SPINK2: variants seen among roughly 807,000 people sequenced by gnomAD.
SPINK2 encodes serine peptidase inhibitor Kazal type 2.
A neutral mutation model predicts 13.5 loss-of-function variants in SPINK2; 8 were observed. The ratio of observed to expected loss-of-function variants is 0.59; its 90% CI spans 0.35 to 1.07. The LOEUF is 1.07. Among genes scored for constraint, SPINK2 ranks in the 50% least tolerant of loss-of-function variants. The probability of loss-of-function intolerance (pLI) is 0.02; values close to 1 mark genes in which losing one functional copy is unlikely to be tolerated. For missense variants in SPINK2, 148 were observed against 180.3 expected (o/e 0.82, Z 1.03); for synonymous variants, 76 against 74.7 (o/e 1.02, Z -0.09).
upstream of SPINK2, chr4:56,821,704 C>G (rs368432138): frequency 7.0e-7 from 1 of 1,420,010 alleles, no homozygotes. Flanking sequence ...GGTCTGTTAC[C>G]TGCGCCACTC....
intron 2 of SPINK2, among the ~76,000 whole-genome samples, chr4:56,818,942 G>A (rs1294601348): frequency 3.3e-5 from 5 of 151,686 alleles, no homozygotes; most frequent in African/African-American, 9.8e-5. Context: ...CCTGGAGGAC[G>A]TAGGCAAACA....
At chr4:56,821,359 A>C in intron 1 of SPINK2, 99 bp downstream of exon 1, 1 of 1,404,262 alleles carries the variant, frequency 7.1e-7, no homozygotes, top group Non-Finnish European at 9.2e-7. Flanking sequence ...TCTAGATGGC[A>C]GGTGTCCTTA....
At chr4:56,821,297 ACT>A (rs1717912858) in intron 1 of SPINK2, 159 bp downstream of exon 1, 1 of 985,158 alleles carries the variant, frequency 1.0e-6, no homozygotes, top group Non-Finnish European at 1.2e-6. Context: ...ATACATAAAA[ACT>A]CAACTCCTCA....
intron 2 of SPINK2, among the ~76,000 whole-genome samples, 161 bp downstream of exon 2, chr4:56,820,375 C>G (rs1717832813): frequency 6.6e-6 from 1 of 152,198 alleles, no homozygotes; most frequent in Non-Finnish European, 1.5e-5. Context: ...CTAAAACTTA[C>G]ACTTTTATCT....
chr4:56,821,784 G>T (rs1186547093), upstream of SPINK2: 3 of 1,092,718 alleles, frequency 2.7e-6, no homozygotes, highest in African/African-American at 1.8e-5. Flanking sequence ...GGGAGGAAAA[G>T]CAGCGGTAGG....
intron 2 of SPINK2, among the ~76,000 whole-genome samples, chr4:56,819,227 G>A (rs905077220): frequency 4.6e-5 from 7 of 152,188 alleles, no homozygotes; most frequent in African/African-American, 1.7e-4. Flanking sequence ...GAAAGTGTGT[G>A]TGTATACATA....
chr4:56,819,895 G>A (rs983906599), intron 2 of SPINK2, among the ~76,000 whole-genome samples: 1 of 152,156 alleles, frequency 6.6e-6, no homozygotes, highest in African/African-American at 2.4e-5. Context: ...GATTACAGGC[G>A]TGAGTCACTG....
intron 3 of SPINK2, chr4:56,810,452 T>C (rs1361651549): frequency 1.3e-5 from 5 of 380,958 alleles, no homozygotes; most frequent in Non-Finnish European, 2.3e-5. Flanking sequence ...CCTGTAATCC[T>C]AGCACTTTGG....
At chr4:56,812,379 AC>A (rs1279009915) in intron 2 of SPINK2, among the ~76,000 whole-genome samples, 3 of 148,966 alleles carry the variant, frequency 2.0e-5, no homozygotes, top group Non-Finnish European at 4.5e-5. Flanking sequence ...ACATGGAGAA[AC>A]CCTGTCTCTA....
chr4:56,816,438 G>A (rs1717455083), intron 2 of SPINK2, among the ~76,000 whole-genome samples: 3 of 151,800 alleles, frequency 2.0e-5, no homozygotes, highest in Admixed American at 1.3e-4. Flanking sequence ...GATCACTTGA[G>A]GTCAGGAATT....
chr4:56,819,856 C>G (rs1419205918), intron 2 of SPINK2, among the ~76,000 whole-genome samples: 1 of 152,110 alleles, frequency 6.6e-6, no homozygotes, highest in Non-Finnish European at 1.5e-5. Flanking sequence ...ACCTCGTGAT[C>G]TGCCCACCTC....
intron 2 of SPINK2, among the ~76,000 whole-genome samples, chr4:56,813,188 T>C (rs1430274669): frequency 6.6e-6 from 1 of 151,938 alleles, no homozygotes; most frequent in South Asian, 2.1e-4. Flanking sequence ...CTGGGGGTGG[T>C]GGCGCATGCT....
rs569576474 is a variant in SPINK2, at chr4:56,821,273, C to T, written c.205+185G>A. On this transcript the variant is annotated intron_variant, in intron 1 of 3. Transcript: ENST00000506738. ...CACAATTCCTCATTCCTGCACATCT[C>T]CTCCCTTGGGACCATACATAAAAAC... 3.7e-5 allele frequency: 36 copies of T among 983,010 alleles called. No individual in the cohort carries two copies. The African/African-American group carries it at 4.2e-4, about 11-fold the overall frequency. 60.9% of individuals were successfully genotyped at this position (983,010 alleles called of 1,614,324 possible).
intron 2 of SPINK2, among the ~76,000 whole-genome samples, chr4:56,819,910 C>A (rs1052751955): frequency 6.6e-6 from 1 of 152,138 alleles, no homozygotes; most frequent in African/African-American, 2.4e-5. Context: ...TCACTGCGCC[C>A]AGCTGCAAAA....
chr4:56,810,173 T>G lies in SPINK2; in HGVS notation c.371A>C (p.His124Pro), dbSNP rs1716861960. 1 of 1,609,292 alleles carries G rather than the reference T, an allele frequency of 6.2e-7. No homozygotes were observed. Among genetic ancestry groups the G allele is most frequent in the African/African-American group, 1.3e-5 (1 of 75,010 alleles). The change falls in exon 4 of 4, where the codon CAT (histidine) becomes CCT (proline). Residue 124 changes from histidine (H) to proline (P), a missense_variant. Physicochemically the swap from His to Pro is moderately conservative, Grantham distance 77. Coordinates refer to ENST00000506738, the MANE Select transcript of SPINK2 (RefSeq NM_001271718.2). ...TCCATTTCGAATGATTTTAATATTA[T>G]GACCACCTTCCCTGCAAATTGAACA... ...TLCMKIREGG[H>P]NIKIIRNGPC
At chr4:56,819,618 C>CT (rs11329423) in intron 2 of SPINK2, among the ~76,000 whole-genome samples, 67 of 78,396 alleles carry the variant, frequency 8.5e-4, no homozygotes, top group African/African-American at 1.0e-3. Context: ...TTTTTTCTTT[C>CT]TTTTTTTTTT....
chr4:56,811,599 A>G, intron 3 of SPINK2, 86 bp downstream of exon 3: 5 of 822,774 alleles, frequency 6.1e-6, no homozygotes, highest in Non-Finnish European at 9.1e-6. Context: ...CCTGGGTGAC[A>G]GAGTGAGACT....
At chr4:56,811,035 C>T (rs1716934723) in intron 3 of SPINK2, among the ~76,000 whole-genome samples, 1 of 152,094 alleles carries the variant, frequency 6.6e-6, no homozygotes, top group Non-Finnish European at 1.5e-5. Flanking sequence ...GTGCAGACCA[C>T]CTACACATGC....
Position 56,811,356 on chromosome 4 carries a change from C to T in SPINK2, c.359+329G>A, listed in dbSNP as rs917232379. ...TGAAGAGGTCAGGCGCGGTGGCTCA[C>T]GCCTGTAATCCCAGCACTTTGGGAG... On this transcript the variant is annotated intron_variant, in intron 3 of 3. Coordinates refer to ENST00000506738, the MANE Select transcript of SPINK2 (RefSeq NM_001271718.2). Among the ~76,000 whole-genome samples, 7 of 152,228 alleles carry T rather than the reference C, an allele frequency of 4.6e-5. No homozygotes were observed. In the Middle Eastern group the frequency reaches 0.017, roughly 372 times the overall value.
Sources: gnomAD v4.1 joint callset for allele counts (sites outside exome capture counted in the v4.1 genomes callset) on GRCh38, gnomAD v4.1.1 for gene constraint, MANE v1.5 for transcripts, NCBI Gene and HGNC (gene_info 2026-07-23, HGNC 2026-07-21) for gene names.